The following DOCK1 variants were observed in gnomAD, a reference collection of about 807,000 sequenced individuals.
DOCK1 encodes the protein dedicator of cytokinesis protein 1.
Under a neutral mutation model 262.7 loss-of-function variants are expected in DOCK1, and 138 were observed. The observed-to-expected ratio is 0.53, with a 90% CI of 0.46 to 0.61. The LOEUF (loss-of-function observed/expected upper bound fraction) is 0.61, where lower values mean the gene tolerates loss of function less well. Among genes scored for constraint, DOCK1 ranks in the 20% least tolerant of loss-of-function variants. The probability of loss-of-function intolerance (pLI) is 0.00; values close to 1 mark genes in which losing one functional copy is unlikely to be tolerated. For missense variants in DOCK1, 1,908 were observed against 2,370.7 expected, an observed-to-expected ratio of 0.80 and a Z score of 4.05; for synonymous variants, 866 against 867.4, an observed-to-expected ratio of 1.00 and a Z score of 0.03.
At position 127,451,581 on chromosome 10, in the gene DOCK1, T is replaced by C. The variant is rs2070975198; in HGVS notation, c.*154T>C. ...CTTCAAAGGAGTTCAGTTCTCACCA[T>C]GGAGTGAGTGGCCTTTAGCGTCATG... On this transcript the variant is annotated 3_prime_UTR_variant, in exon 52 of 52. Transcript: ENST00000623213. 1 of 1,477,744 alleles carries C rather than the reference T, an allele frequency of 6.8e-7. No individual in the cohort carries two copies. The highest frequency in any genetic ancestry group is 1.4e-5 in the African/African-American group (1 of 71,950). The allele number at this position is 1,477,744 out of a possible 1,614,324, so 91.5% of individuals were successfully genotyped here. A position where few individuals can be genotyped will look rare whatever the true frequency, so the allele number is the denominator to read the frequency against.
chr10:127,238,185 A>G (rs2059140202), intron 27 of DOCK1, among the ~76,000 whole-genome samples: 1 of 152,096 alleles, frequency 6.6e-6, no homozygotes, highest in Non-Finnish European at 1.5e-5. Context: ...TTTCCCTTTG[A>G]CCTTAAGGGT....
chr10:127,187,353 G>A (rs1030815493), intron 27 of DOCK1, among the ~76,000 whole-genome samples: 1 of 152,204 alleles, frequency 6.6e-6, no homozygotes. Flanking sequence ...TGAGTAAGCA[G>A]TACTGATGAT....
chr10:127,336,558 T>C (rs12415324), intron 29 of DOCK1, among the ~76,000 whole-genome samples: 1 of 151,718 alleles, frequency 6.6e-6, no homozygotes, highest in South Asian at 2.1e-4. Flanking sequence ...TTTTTTAATT[T>C]GAGACAAGTC....
intron 27 of DOCK1, among the ~76,000 whole-genome samples, chr10:127,196,522 A>T (rs2057164941): frequency 6.8e-6 from 1 of 146,748 alleles, no homozygotes. Flanking sequence ...GGGCGGCCAG[A>T]GGCGAGGGCG....
chr10:127,347,139 G>A (rs889485982), intron 31 of DOCK1, among the ~76,000 whole-genome samples: 3 of 152,218 alleles, frequency 2.0e-5, no homozygotes, highest in Non-Finnish European at 4.4e-5. Context: ...AATACATGAC[G>A]ATGTCCTACC....
intron 27 of DOCK1, among the ~76,000 whole-genome samples, chr10:127,197,619 G>C (rs944826426): frequency 1.3e-5 from 2 of 152,074 alleles, no homozygotes; most frequent in African/African-American, 4.8e-5. Context: ...GACAGGCTTC[G>C]GAGAGGAAAT....
intron 25 of DOCK1, among the ~76,000 whole-genome samples, chr10:127,114,956 C>G (rs767327849): frequency 6.6e-6 from 1 of 152,036 alleles, no homozygotes; most frequent in African/African-American, 2.4e-5. Context: ...GCGGTTTCAC[C>G]GTGTTGGCTG....
At chr10:127,062,988 T>G (rs80136063) in intron 23 of DOCK1, among the ~76,000 whole-genome samples, 1,846 of 152,188 alleles carry the variant, frequency 0.012, 24 homozygotes, top group African/African-American at 0.033. Context: ...TGCTCACTGG[T>G]GTGGAAGTGC....
At chr10:127,249,542 C>T (rs902002856) in intron 28 of DOCK1, among the ~76,000 whole-genome samples, 4 of 151,872 alleles carry the variant, frequency 2.6e-5, no homozygotes, top group African/African-American at 7.3e-5. Flanking sequence ...TAGTGTGTAC[C>T]CTTACTTAAA....
intron 29 of DOCK1, 67 bp from the exon 30 acceptor site, chr10:127,338,939 A>C: frequency 7.3e-7 from 1 of 1,374,056 alleles, no homozygotes; most frequent in Non-Finnish European, 1.0e-6. Flanking sequence ...ATCTAATTGA[A>C]ATGCCAAACC....
intron 47 of DOCK1, among the ~76,000 whole-genome samples, chr10:127,429,091 C>CCGTGTGGATTGGGGTGT (rs2069102340): frequency 1.3e-5 from 2 of 150,720 alleles, no homozygotes; most frequent in Admixed American, 6.7e-5. Context: ...GATTGGGGTG[C>CCGTGTGGATTGGGGTGT]CGTGTGGATT....
chr10:126,994,774 C>T lies in DOCK1; in HGVS notation c.474-1974C>T, dbSNP rs575167336. The stretch of plus-strand genomic sequence containing the variant: ...TCTCTTTCTTTTCCCCACATTTCCC[C>T]CTTTTCTATTCGACAAAACCGCCAT... On this transcript the variant is annotated intron_variant, in intron 6 of 51. Coordinates refer to ENST00000623213, the MANE Select transcript of DOCK1 (RefSeq NM_001290223.2). Among the ~76,000 whole-genome samples the T allele has an allele frequency of 3.3e-5, 5 of 152,346 alleles. No homozygotes were observed. The South Asian group carries it at 8.3e-4, about 25-fold the overall frequency.
At chr10:127,236,600 T>C in intron 27 of DOCK1, among the ~76,000 whole-genome samples, 1 of 150,660 alleles carries the variant, frequency 6.6e-6, no homozygotes, top group East Asian at 1.9e-4. Context: ...CACACTGTCT[T>C]GATATCTGTA....
At chr10:127,435,154 G>A (rs761013992) in intron 48 of DOCK1, among the ~76,000 whole-genome samples, 6 of 152,060 alleles carry the variant, frequency 3.9e-5, no homozygotes, top group Admixed American at 6.6e-5. Flanking sequence ...ATTTTTGAGC[G>A]GCAAGCATGT....
intron 25 of DOCK1, among the ~76,000 whole-genome samples, chr10:127,115,241 C>G (rs1332130110): frequency 6.6e-6 from 1 of 152,176 alleles, no homozygotes; most frequent in East Asian, 1.9e-4. Context: ...CTTGGATGTT[C>G]CCACCCCTGG....
chr10:127,005,249 C>G (rs1233186104), intron 10 of DOCK1, among the ~76,000 whole-genome samples: 6 of 151,904 alleles, frequency 3.9e-5, no homozygotes, highest in Non-Finnish European at 8.8e-5. Flanking sequence ...GAGGGATTGC[C>G]TGAGCTTGGG....
chr10:126,967,347 T>C (rs1265398921), intron 1 of DOCK1, among the ~76,000 whole-genome samples: 3 of 152,278 alleles, frequency 2.0e-5, no homozygotes, highest in Non-Finnish European at 4.4e-5. Context: ...TTAAAAAAAT[T>C]CCCTACATGG....
intron 29 of DOCK1, among the ~76,000 whole-genome samples, chr10:127,258,344 C>A (rs2059899400): frequency 6.6e-6 from 1 of 152,174 alleles, no homozygotes; most frequent in Admixed American, 6.5e-5. Context: ...ATTCGTTCTT[C>A]ATTTGTATAA....
intron 1 of DOCK1, among the ~76,000 whole-genome samples, chr10:126,917,131 C>A (rs11245230): frequency 6.6e-6 from 1 of 152,154 alleles, no homozygotes; most frequent in African/African-American, 2.4e-5. Context: ...CCAGACACCC[C>A]GAGCAGCTCT....
Sources: gnomAD v4.1 joint callset for allele counts (sites outside exome capture counted in the v4.1 genomes callset) on GRCh38, gnomAD v4.1.1 for gene constraint, MANE v1.5 for transcripts, NCBI Gene and HGNC (gene_info 2026-07-23, HGNC 2026-07-21) for gene names.